Variants in MUC17 observed in about 807,000 individuals in gnomAD.
MUC17 encodes the protein mucin 17, cell surface associated.
A neutral mutation model predicts 170.3 loss-of-function variants in MUC17; 190 were observed. The observed-to-expected ratio is 1.12, with a 90% CI of 0.99 to 1.26. MUC17 has a LOEUF of 1.26. MUC17 is among the 50% of genes most tolerant of loss of function. The pLI, the probability that MUC17 is intolerant of heterozygous loss-of-function variation, is 0.00. For synonymous variants in MUC17, 2,325 were observed against 2,002.5 expected (o/e 1.16, Z -4.30); for missense variants, 6,415 against 5,530.0 (o/e 1.16, Z -5.08).
rs200757600 is a variant in MUC17, at chr7:101,040,801, C to A, written c.9385C>A (p.Pro3129Thr). The A allele has an allele frequency of 2.5e-4, 399 of 1,613,482 alleles. 3 individuals carry two copies. Among genetic ancestry groups the A allele is most frequent in the Non-Finnish European group, 3.3e-4 (389 of 1,179,794 alleles). The change falls in exon 3 of 13, where the codon CCT (proline) becomes ACT (threonine). Residue 3129 changes from proline (P) to threonine (T), a missense_variant. Pro to Thr is a conservative substitution (Grantham distance 38). Coordinates refer to ENST00000306151, the MANE Select transcript of MUC17 (RefSeq NM_001040105.2). ...SSAISTLSTTPVDTSTPVTTS... is the reference protein window; with the variant it reads ...SSAISTLSTTTVDTSTPVTTS... The stretch of plus-strand genomic sequence containing the variant: ...TGCAATCAGCACCCTTTCAACAACT[C>A]CTGTTGACACCAGCACACCTGTGAC...
rs146418056 is a variant in MUC17, at chr7:101,036,369, T to C, written c.4953T>C (p.Leu1651=). The change falls in exon 3 of 13, where the codon CTT becomes CTC. Residue 1651 remains leucine (L), a synonymous_variant. Transcript: ENST00000306151. ...TGGCCAGTCCTGAGGCTAGCACCCT[T>C]TCAACAACTCCTGTTGACTCCAACA... is the stretch of plus-strand genomic sequence containing the variant. ...TPVASPEAST[L]STTPVDSNSP... 28 of 1,612,658 alleles carry C rather than the reference T, an allele frequency of 1.7e-5. No homozygotes were observed. Among genetic ancestry groups the C allele is most frequent in the Non-Finnish European group, 1.8e-5 (21 of 1,179,548 alleles).
At chr7:101,056,169 A>G (rs771056472) in intron 11 of MUC17, 25 bp from the exon 12 acceptor site, 3 of 1,613,570 alleles carry the variant, frequency 1.9e-6, no homozygotes, top group Non-Finnish European at 2.5e-6. Flanking sequence ...TCCTGTTTCC[A>G]TGGTGCTTTC....
chr7:101,036,913 G>C lies in MUC17; in HGVS notation c.5497G>C (p.Val1833Leu), dbSNP rs751276441. The change falls in exon 3 of 13, where the codon GTT becomes CTT. Residue 1833 changes from valine to leucine, a missense_variant. Physicochemically the swap from Val to Leu is conservative, Grantham distance 32. Coordinates refer to ENST00000306151, the MANE Select transcript of MUC17 (RefSeq NM_001040105.2). ...GGCTAGCACCCTTTCAACAACTCCT[G>C]TTGACTCTAACAGTCCTGTGGTCAC... ...SEASTLSTTP[V>L]DSNSPVVTST... is the part of the protein sequence containing the mutation. 3.7e-6 allele frequency: 6 copies of C among 1,612,654 alleles called. No homozygotes were observed. In the African/African-American group the frequency reaches 8.0e-5, roughly 22 times the overall value.
At position 101,038,375 on chromosome 7, in the gene MUC17, C is replaced by G. The variant is rs780077579; in HGVS notation, c.6959C>G (p.Pro2320Arg). 9 of 1,613,918 alleles carry G rather than the reference C, an allele frequency of 5.6e-6. No homozygotes were observed. The highest frequency in any genetic ancestry group is 7.6e-6 in the Non-Finnish European group (9 of 1,180,004). ...ACTTCTACTGAAGCCAGTTCACCTC[C>G]TCCCACTGCTGAAGGTACCAGCATG... ...FTTSTEASSPPPTAEGTSMPT... is the reference protein window; with the variant it reads ...FTTSTEASSPRPTAEGTSMPT... Residue 2320 changes from proline (P) to arginine (R), a missense_variant, in exon 3 of 13, where the codon CCT (proline) becomes CGT (arginine). Transcript: ENST00000306151.
rs1325027411 is a variant in MUC17, at chr7:101,048,917, TAA to T, written c.12613_12614del (p.Asn4205ProfsTer26). 16 of 1,613,760 alleles carry T rather than the reference TAA, an allele frequency of 9.9e-6. No homozygotes were observed. Among genetic ancestry groups the T allele is most frequent in the Admixed American group, 3.3e-5 (2 of 59,974 alleles). ...ACCAGTGTGAAGTTCACCGAAGAGC[TAA>T]AAAACCACTCTTCCCAGGAATTCCA... On this transcript the variant is annotated frameshift_variant, in exon 5 of 13. Transcript: ENST00000306151. LOFTEE classifies it high-confidence loss of function.
intron 12 of MUC17, among the ~76,000 whole-genome samples, chr7:101,057,290 G>T (rs1795062570): frequency 6.6e-6 from 1 of 152,198 alleles, no homozygotes; most frequent in Non-Finnish European, 1.5e-5. Flanking sequence ...GAGGGTAGGA[G>T]AAATAACAAG....
rs754832323 is a variant in MUC17 at position 101,035,805 on chromosome 7, C to G, written c.4389C>G (p.Ser1463Arg). 1.2e-6 allele frequency: 2 copies of G among 1,604,334 alleles called. No homozygotes were observed. The highest frequency in any genetic ancestry group is 1.7e-6 in the Non-Finnish European group (2 of 1,174,674). ...GKTPLKSIPV[S>R]NTPVANSEAS... ...CTCCATTAAAAAGTATACCTGTCAG[C>G]AACACGCCGGTGGCCAATTCTGAGG... is the stretch of plus-strand genomic sequence containing the variant. The change falls in exon 3 of 13, where the codon AGC becomes AGG. Residue 1463 changes from serine to arginine, a missense_variant. By Grantham distance (110) the Ser-to-Arg change is moderately radical. Coordinates refer to ENST00000306151, the MANE Select transcript of MUC17 (RefSeq NM_001040105.2).
In MUC17 at chr7:101,042,876, C is replaced by T; in HGVS notation, c.11460C>T (p.Leu3820=). ...SERSTLLTTV[L]ISPISVMSPS... The stretch of plus-strand genomic sequence containing the variant: ...GAAGCACTTTATTGACAACTGTCCT[C>T]ATCAGCCCTATATCTGTGATGAGTC... Residue 3820 remains leucine (L), a synonymous_variant, in exon 3 of 13, where the codon CTC becomes CTT. Transcript: ENST00000306151. 3 of 1,614,118 alleles carry T rather than the reference C, an allele frequency of 1.9e-6. No individual in the cohort carries two copies. Among genetic ancestry groups the T allele is most frequent in the Non-Finnish European group, 2.5e-6 (3 of 1,180,020 alleles).
At chr7:101,025,963 A>G (rs926960920) in intron 1 of MUC17, among the ~76,000 whole-genome samples, 1 of 152,142 alleles carries the variant, frequency 6.6e-6, no homozygotes, top group African/African-American at 2.4e-5. Context: ...AGAAAGAAAG[A>G]AAAAATAAAA....
rs780077579 is a variant in MUC17 at position 101,038,375 on chromosome 7, C to T, written c.6959C>T (p.Pro2320Leu). Residue 2320 changes from proline (P) to leucine (L), a missense_variant, in exon 3 of 13, where the codon CCT becomes CTT. Physicochemically the swap from Pro to Leu is moderately conservative, Grantham distance 98. Transcript: ENST00000306151. The part of the protein sequence containing the change: ...FTTSTEASSP[P>L]PTAEGTSMPT... ...ACTTCTACTGAAGCCAGTTCACCTC[C>T]TCCCACTGCTGAAGGTACCAGCATG... 1 of 1,614,036 alleles carries T rather than the reference C, an allele frequency of 6.2e-7. No homozygotes were observed.
rs1291106156 is a variant in MUC17, at chr7:101,033,737, C to T, written c.2321C>T (p.Thr774Ile). The T allele has an allele frequency of 2.5e-6, 4 of 1,613,736 alleles. No individual in the cohort carries two copies. The highest frequency in any genetic ancestry group is 1.7e-5 in the Admixed American group (1 of 60,004). ...ASTLSTTPLD[T>I]STHITTSTEA... ...ACCCTTTCAACAACTCCTCTTGACA[C>T]AAGCACACATATCACCACTTCTACT... Residue 774 changes from threonine to isoleucine, a missense_variant, in exon 3 of 13, where the codon ACA (threonine) becomes ATA (isoleucine). Physicochemically the swap from Thr to Ile is moderately conservative, Grantham distance 89 (BLOSUM62 -1). Transcript: ENST00000306151.
Position 101,049,365 on chromosome 7 carries a change from G to A in MUC17, c.12705G>A (p.Val4235=), listed in dbSNP as rs1166044498. The change falls in exon 6 of 13, where the codon GTG becomes GTA. Residue 4235 remains valine, a synonymous_variant. Transcript: ENST00000306151. ...VYSGIPEYVG[V]NITKLRLGSV... ...CCGGGATCCCTGAGTATGTCGGGGT[G>A]AACATCACAAAGCTACGGTAAGTGT... 1 of 1,613,270 alleles carries A rather than the reference G, an allele frequency of 6.2e-7. No individual in the cohort carries two copies. The highest frequency in any genetic ancestry group is 8.5e-7 in the Non-Finnish European group (1 of 1,179,674).
At position 101,050,557 on chromosome 7, in the gene MUC17, G is replaced by A. The variant is rs1226005794; in HGVS notation, c.12796G>A (p.Asp4266Asn). ...KYTPEYKTVL[D>N]NATEVVKEKI... ...CACACCAGAATACAAGACAGTATTG[G>A]ACAATGCCACCGAAGTAGTGAAAGA... The change falls in exon 7 of 13, where the codon GAC (aspartate) becomes AAC (asparagine). Residue 4266 changes from aspartate to asparagine, a missense_variant. Physicochemically the swap from Asp to Asn is conservative, Grantham distance 23. Coordinates refer to ENST00000306151, the MANE Select transcript of MUC17 (RefSeq NM_001040105.2). 6.2e-7 allele frequency: 1 copy of A among 1,614,182 alleles called. No homozygotes were observed. The highest frequency in any genetic ancestry group is 1.1e-5 in the South Asian group (1 of 91,088).
At position 101,034,472 on chromosome 7, in the gene MUC17, A is replaced by G. The variant is rs573285703; in HGVS notation, c.3056A>G (p.Glu1019Gly). ...DSNTPLTTST[E>G]ASSPPPTAEG... ...AACACTCCTTTGACCACTTCTACTG[A>G]AGCCAGTTCACCTCCTCCCACTGCT... The change falls in exon 3 of 13, where the codon GAA becomes GGA. Residue 1019 changes from glutamate (E) to glycine (G), a missense_variant. By Grantham distance (98) the Glu-to-Gly change is moderately conservative. Transcript: ENST00000306151. 7 of 1,609,420 alleles carry G rather than the reference A, an allele frequency of 4.3e-6. No individual in the cohort carries two copies. The East Asian group carries it at 1.6e-4, about 36-fold the overall frequency.
intron 2 of MUC17, among the ~76,000 whole-genome samples, 178 bp downstream of exon 2, chr7:101,031,399 G>A (rs1794276552): frequency 6.6e-6 from 1 of 152,182 alleles, no homozygotes; most frequent in South Asian, 2.1e-4. Flanking sequence ...TGGAGGAAAG[G>A]GGTCGAGTTC....
At chr7:101,021,902 G>A (rs994613466) in intron 1 of MUC17, among the ~76,000 whole-genome samples, 2 of 152,142 alleles carry the variant, frequency 1.3e-5, no homozygotes, top group African/African-American at 4.8e-5. Flanking sequence ...GTCCTTCCCA[G>A]CAGACACACC....
In MUC17 at chr7:101,038,423, G is replaced by A. The variant is rs757394225; in HGVS notation, c.7007G>A (p.Gly2336Glu). Residue 2336 changes from glycine (G) to glutamate (E), a missense_variant, in exon 3 of 13, where the codon GGA becomes GAA. Transcript: ENST00000306151. ...TSMPTSTSSE[G>E]NTPLTRMPVS... ...ATGCCAACCTCAACTTCTAGTGAAG[G>A]AAACACTCCATTAACACGTATGCCT... 67 of 1,613,648 alleles carry A rather than the reference G, an allele frequency of 4.2e-5. No individual in the cohort carries two copies. The highest frequency in any genetic ancestry group is 2.7e-5 in the African/African-American group (2 of 74,764).
rs770655028 is a variant in MUC17, at chr7:101,033,986, C to T, written c.2570C>T (p.Thr857Ile). The T allele has an allele frequency of 1.2e-6, 2 of 1,603,114 alleles. No homozygotes were observed. The highest frequency in any genetic ancestry group is 1.7e-6 in the Non-Finnish European group (2 of 1,173,968). ...CCTGCTGAAGGTACCAGCATGCCAA[C>T]CTCAACTTATAGTGAAGGAAGAACT... ...PTPAEGTSMP[T>I]STYSEGRTPL... Residue 857 changes from threonine to isoleucine, a missense_variant, in exon 3 of 13, where the codon ACC becomes ATC. By Grantham distance (89) the Thr-to-Ile change is moderately conservative (BLOSUM62 -1). Transcript: ENST00000306151.
In MUC17 at chr7:101,043,749, C is replaced by T. The variant is rs375163227; in HGVS notation, c.12333C>T (p.Thr4111=). The T allele has an allele frequency of 1.6e-5, 26 of 1,614,010 alleles. No homozygotes were observed. In the Middle Eastern group the frequency reaches 4.9e-4, roughly 31 times the overall value. Residue 4111 remains threonine (T), a synonymous_variant, in exon 3 of 13, where the codon ACC becomes ACT. Coordinates refer to ENST00000306151, the MANE Select transcript of MUC17 (RefSeq NM_001040105.2). Reference sequence around the variant, plus strand: ...CTTCCTTCCCCACGGTGACCACCACCGCTGTCCCCACGAATACTACAATTA... The same window carrying T: ...CTTCCTTCCCCACGGTGACCACCACTGCTGTCCCCACGAATACTACAATTA... ...RTTSFPTVTT[T]AVPTNTTIKS...
Sources: allele counts gnomAD v4.1 joint callset (sites outside exome capture counted in the v4.1 genomes callset), GRCh38; gene constraint gnomAD v4.1.1; transcripts MANE v1.5; gene names NCBI Gene and HGNC (gene_info 2026-07-23, HGNC 2026-07-21).